Variants in XKR6 observed in about 807,000 individuals in gnomAD.
XKR6 encodes XK related 6, also known as XK-related protein 6.
A neutral mutation model predicts 56.7 loss-of-function variants in XKR6; 22 were observed. The ratio of observed to expected loss-of-function variants is 0.39; its 90% CI spans 0.28 to 0.55. XKR6 has a LOEUF of 0.55. XKR6 is among the 20% of genes least tolerant of loss of function. The probability of loss-of-function intolerance (pLI) is 0.66; values close to 1 mark genes in which losing one functional copy is unlikely to be tolerated. For missense variants in XKR6, 852 were observed against 889.0 expected (o/e 0.96, Z 0.53); for synonymous variants, 524 against 387.8 (o/e 1.35, Z -4.13).
chr8:10,967,696 C>T (rs1273130680), intron 1 of XKR6, among the ~76,000 whole-genome samples: 1 of 152,206 alleles, frequency 6.6e-6, no homozygotes, highest in Non-Finnish European at 1.5e-5. Context: ...CAGCAACTTG[C>T]CGGTGCCAGC....
intron 2 of XKR6, among the ~76,000 whole-genome samples, chr8:10,903,169 A>C (rs1800089575): frequency 6.6e-6 from 1 of 152,180 alleles, no homozygotes; most frequent in Non-Finnish European, 1.5e-5. Flanking sequence ...CCTGTCTGTG[A>C]CATTGTCTAC....
At chr8:11,020,580 AAG>A (rs1227557962) in intron 1 of XKR6, among the ~76,000 whole-genome samples, 1 of 152,128 alleles carries the variant, frequency 6.6e-6, no homozygotes. Flanking sequence ...TGACAGAGAG[AAG>A]CCTTTGGGTG....
At position 11,107,955 on chromosome 8, in the gene XKR6, T is replaced by A. The variant is rs191415618; in HGVS notation, c.764+92621A>T. 17 of 294,888 alleles carry A rather than the reference T, an allele frequency of 5.8e-5. No individual in the cohort carries two copies. In the East Asian group the frequency reaches 1.8e-3, roughly 31 times the overall value. 18.3% of individuals were successfully genotyped at this position (294,888 alleles called of 1,614,324 possible). On this transcript the variant is annotated intron_variant, in intron 1 of 2. Coordinates refer to ENST00000416569, the MANE Select transcript of XKR6 (RefSeq NM_173683.4). The stretch of plus-strand genomic sequence containing the variant: ...ATGTGCGGCGGCACCACTCTGATGA[T>A]GCTCTTCCATCTCTCCACTCGGTCC...
chr8:11,151,539 G>C (rs768116425), intron 1 of XKR6, among the ~76,000 whole-genome samples: 2 of 152,160 alleles, frequency 1.3e-5, no homozygotes, highest in Non-Finnish European at 2.9e-5. Context: ...ATGTGAACAA[G>C]ATGTGACATT....
chr8:11,035,327 G>C, intron 1 of XKR6: 1 of 534,532 alleles, frequency 1.9e-6, no homozygotes, highest in Non-Finnish European at 3.8e-6. Context: ...GTGGCAGCTT[G>C]GGCCCCCACT....
intron 1 of XKR6, among the ~76,000 whole-genome samples, chr8:10,957,420 C>T (rs1183661572): frequency 6.6e-6 from 1 of 152,198 alleles, no homozygotes; most frequent in Non-Finnish European, 1.5e-5. Flanking sequence ...CCCTTCTACT[C>T]CCTGGGGTCC....
intron 1 of XKR6, among the ~76,000 whole-genome samples, chr8:10,967,559 A>G (rs1802262609): frequency 6.6e-6 from 1 of 152,152 alleles, no homozygotes; most frequent in Non-Finnish European, 1.5e-5. Context: ...GGTCTGGGGC[A>G]ATGGACTGAC....
chr8:11,052,862 G>A (rs192359060), intron 1 of XKR6, among the ~76,000 whole-genome samples: 1,648 of 152,266 alleles, frequency 0.011, 30 homozygotes, highest in African/African-American at 0.031. Flanking sequence ...CCTAGCAGGG[G>A]CTAAACTCTC....
chr8:11,185,633 G>T (rs1489299221), intron 1 of XKR6, among the ~76,000 whole-genome samples: 1 of 152,142 alleles, frequency 6.6e-6, no homozygotes, highest in Non-Finnish European at 1.5e-5. Context: ...CTCCAATGAT[G>T]GGACATGATT....
At chr8:11,115,905 T>C (rs954664281) in intron 1 of XKR6, among the ~76,000 whole-genome samples, 1 of 152,212 alleles carries the variant, frequency 6.6e-6, no homozygotes, top group African/African-American at 2.4e-5. Context: ...TTTAATATCT[T>C]GACAAATACT....
At chr8:11,144,322 C>T (rs1056422697) in intron 1 of XKR6, among the ~76,000 whole-genome samples, 3 of 148,680 alleles carry the variant, frequency 2.0e-5, no homozygotes, top group South Asian at 4.3e-4. Flanking sequence ...AAGGAAGAAG[C>T]GGGTATAACC....
At chr8:11,198,896 G>GA (rs1484899211) in intron 1 of XKR6, among the ~76,000 whole-genome samples, 1 of 149,582 alleles carries the variant, frequency 6.7e-6, no homozygotes, top group Non-Finnish European at 1.5e-5. Flanking sequence ...TTAACAACCA[G>GA]AAAACAACCC....
intron 1 of XKR6, among the ~76,000 whole-genome samples, chr8:11,116,593 AC>A (rs1472052598): frequency 6.6e-6 from 1 of 151,790 alleles, no homozygotes; most frequent in Non-Finnish European, 1.5e-5. Context: ...CTGGTCTCGC[AC>A]TCCTGACCAC....
intron 1 of XKR6, among the ~76,000 whole-genome samples, chr8:11,171,146 C>A (rs1045264567): frequency 6.6e-5 from 10 of 152,226 alleles, no homozygotes; most frequent in African/African-American, 1.9e-4. Flanking sequence ...AAGGACAGAA[C>A]TGCTAAGAAA....
At chr8:11,117,977 G>C (rs1474790960) in intron 1 of XKR6, among the ~76,000 whole-genome samples, 3 of 152,094 alleles carry the variant, frequency 2.0e-5, no homozygotes, top group African/African-American at 7.2e-5. Context: ...TGGGGGACCA[G>C]GCATCCAAAC....
intron 2 of XKR6, among the ~76,000 whole-genome samples, chr8:10,910,435 G>A (rs1205713253): frequency 3.3e-5 from 5 of 152,178 alleles, no homozygotes; most frequent in Non-Finnish European, 1.5e-5. Context: ...CATCTCTCCA[G>A]CTCTGATAAA....
intron 1 of XKR6, chr8:11,194,539 T>C (rs947596017): frequency 3.3e-5 from 5 of 152,238 alleles, no homozygotes; most frequent in African/African-American, 1.2e-4. Flanking sequence ...ACTAGATGAA[T>C]AGCACATCAT....
At chr8:11,086,148 A>ATATATATATATATATATATTT (rs71203369) in intron 1 of XKR6, among the ~76,000 whole-genome samples, 1 of 120,722 alleles carries the variant, frequency 8.3e-6, no homozygotes, top group African/African-American at 3.9e-5. Flanking sequence ...ATATATATAT[A>ATATATATATATATATATATTT]TTTTTTTTTA....
At position 11,169,817 on chromosome 8, in the gene XKR6, T is replaced by TA. The variant is rs145410893; in HGVS notation, c.764+30758dup. Reference sequence around the variant, plus strand: ...TGGCTAAGATCAAGTGCAAAAATGGTAAAAATGATAAATTTTACACTATAT... The same window carrying TA: ...TGGCTAAGATCAAGTGCAAAAATGGTAAAAAATGATAAATTTTACACTATAT... On this transcript the variant is annotated intron_variant, in intron 1 of 2. Coordinates refer to ENST00000416569, the MANE Select transcript of XKR6 (RefSeq NM_173683.4). Among the ~76,000 whole-genome samples the TA allele has an allele frequency of 7.1e-3, 1,084 of 152,280 alleles. 13 individuals carry two copies. The highest frequency in any genetic ancestry group is 0.022 in the African/African-American group (910 of 41,546).
Sources: gnomAD v4.1 joint callset for allele counts (sites outside exome capture counted in the v4.1 genomes callset) on GRCh38, gnomAD v4.1.1 for gene constraint, MANE v1.5 for transcripts, NCBI Gene and HGNC (gene_info 2026-07-23, HGNC 2026-07-21) for gene names.